RBFOX2: variants seen among roughly 807,000 people sequenced by gnomAD.
RBFOX2 encodes RNA binding fox-1 homolog 2, also known as RNA binding protein fox-1 homolog 2.
A neutral mutation model predicts 49.1 loss-of-function variants in RBFOX2; 10 were observed. The observed-to-expected ratio is 0.20, with a 90% CI of 0.13 to 0.35. The LOEUF (loss-of-function observed/expected upper bound fraction) is 0.35. RBFOX2 is among the 10% of genes least tolerant of loss of function. The probability of loss-of-function intolerance (pLI) is 1.00; values close to 1 mark genes in which losing one functional copy is unlikely to be tolerated. For missense variants in RBFOX2, 323 were observed against 486.9 expected, an observed-to-expected ratio of 0.66 and a Z score of 3.17; for synonymous variants, 183 against 187.4, an observed-to-expected ratio of 0.98 and a Z score of 0.19.
At chr22:35,755,110 G>C (rs1936472195) in intron 9 of RBFOX2, among the ~76,000 whole-genome samples, 1 of 152,174 alleles carries the variant, frequency 6.6e-6, no homozygotes, top group Non-Finnish European at 1.5e-5. Flanking sequence ...ACCTCTTATT[G>C]ATTTTGGAAA....
exon 1 of RBFOX2, among the ~76,000 whole-genome samples, chr22:36,028,598 C>G (rs1006842010): frequency 2.0e-5 from 3 of 149,118 alleles, no homozygotes; most frequent in South Asian, 4.1e-4. Context: ...GCGGCCGCCG[C>G]TCCTTGCCTG....
Position 35,750,312 on chromosome 22 carries a change from T to TG in RBFOX2, c.888-3752dup, listed in dbSNP as rs777583043. 1.0e-4 allele frequency: 65 copies of TG among 635,972 alleles called. No individual in the cohort carries two copies. The Middle Eastern group carries it at 1.0e-3, about 10-fold the overall frequency. The allele number at this position is 635,972 out of a possible 1,614,324, so 39.4% of individuals were successfully genotyped here. On this transcript the variant is annotated intron_variant, in intron 9 of 11. Transcript: ENST00000405409. ...AGGAGAAATAATTCATTTGGAGATA[T>TG]GAAGTCATGAAATAGCTGATGTGTA...
chr22:35,935,340 G>C (rs2052934909), intron 1 of RBFOX2, among the ~76,000 whole-genome samples: 1 of 152,202 alleles, frequency 6.6e-6, no homozygotes. Flanking sequence ...AACCACATTA[G>C]AAAGTATAGT....
intron 2 of RBFOX2, among the ~76,000 whole-genome samples, chr22:35,802,201 G>A (rs1238585119): frequency 6.6e-6 from 1 of 151,976 alleles, no homozygotes; most frequent in Admixed American, 6.6e-5. Flanking sequence ...ATATACAACT[G>A]GAGATCTGAA....
chr22:35,756,458 C>A (rs1032604174), intron 9 of RBFOX2, among the ~76,000 whole-genome samples: 2 of 152,080 alleles, frequency 1.3e-5, no homozygotes, highest in African/African-American at 4.8e-5. Context: ...TATCCAAAAT[C>A]TGCTGGCTTG....
At chr22:35,831,951 G>A (rs751987153) in intron 1 of RBFOX2, among the ~76,000 whole-genome samples, 9 of 152,128 alleles carry the variant, frequency 5.9e-5, no homozygotes, top group Non-Finnish European at 1.0e-4. Flanking sequence ...AATCAGCTGA[G>A]GGCATGCTTT....
intron 1 of RBFOX2, among the ~76,000 whole-genome samples, chr22:35,832,611 T>C (rs560193248): frequency 3.9e-5 from 6 of 152,132 alleles, no homozygotes; most frequent in African/African-American, 1.4e-4. Flanking sequence ...GGCAGGCAGA[T>C]CACTTGAGGT....
At chr22:35,782,120 A>G (rs1273421155) in intron 2 of RBFOX2, among the ~76,000 whole-genome samples, 2 of 152,132 alleles carry the variant, frequency 1.3e-5, no homozygotes, top group South Asian at 4.1e-4. Context: ...AGATATTTCT[A>G]TTTTGAAAAT....
exon 12 of RBFOX2, chr22:35,740,530 C>T (rs1208667989): frequency 6.6e-6 from 1 of 152,582 alleles, no homozygotes; most frequent in African/African-American, 2.4e-5. Context: ...CCCTTCCCCA[C>T]CCCCCAAAGT....
intron 1 of RBFOX2, among the ~76,000 whole-genome samples, chr22:36,012,134 C>T (rs553014155): frequency 6.6e-6 from 1 of 152,246 alleles, no homozygotes; most frequent in Admixed American, 6.5e-5. Flanking sequence ...AACTGTCATC[C>T]CAGTTCTACA....
chr22:35,859,194 TC>T (rs2042857946), intron 1 of RBFOX2, among the ~76,000 whole-genome samples: 1 of 152,126 alleles, frequency 6.6e-6, no homozygotes, highest in Non-Finnish European at 1.5e-5. Flanking sequence ...ATCTAATTTC[TC>T]AGGGTGAAGA....
At chr22:35,984,448 T>A (rs1047757629) in intron 1 of RBFOX2, among the ~76,000 whole-genome samples, 8 of 152,154 alleles carry the variant, frequency 5.3e-5, no homozygotes, top group African/African-American at 1.4e-4. Context: ...CAAGGCAGAG[T>A]GTGTTGCTAG....
chr22:35,970,665 A>G lies in RBFOX2; in HGVS notation c.187-31768T>C, dbSNP rs560367855. ...AACACAACAGAGTGAGACCCTATCT[A>G]AAAAAACAAGAAGAAGAAATGTGAT... On this transcript the variant is annotated intron_variant, in intron 1 of 13. Coordinates refer to the RBFOX2 transcript ENST00000438146. Among the ~76,000 whole-genome samples the G allele has an allele frequency of 4.0e-5, 6 of 151,268 alleles. No homozygotes were observed. The South Asian group carries it at 1.0e-3, about 26-fold the overall frequency.
chr22:35,884,000 CTTTTTTTTTTT>C (rs34644201), intron 1 of RBFOX2, among the ~76,000 whole-genome samples: 23 of 62,690 alleles, frequency 3.7e-4, no homozygotes, highest in African/African-American at 1.2e-3. Context: ...GTAGTTATCT[CTTTTTTTTTTT>C]TTTTTTTTTT....
At chr22:35,845,139 T>G (rs552661903), upstream of RBFOX2, among the ~76,000 whole-genome samples, 2 of 152,108 alleles carry the variant, frequency 1.3e-5, no homozygotes, top group Admixed American at 1.3e-4. Flanking sequence ...CCTGCAATAA[T>G]AAAAACTTGT....
intron 1 of RBFOX2, among the ~76,000 whole-genome samples, chr22:35,836,046 A>G (rs1007947805): frequency 6.6e-6 from 1 of 152,126 alleles, no homozygotes; most frequent in Non-Finnish European, 1.5e-5. Flanking sequence ...TAGAAAGTGG[A>G]AAGTGTGCCA....
At chr22:35,889,658 C>G (rs1009051838) in intron 1 of RBFOX2, among the ~76,000 whole-genome samples, 1 of 152,126 alleles carries the variant, frequency 6.6e-6, no homozygotes, top group Non-Finnish European at 1.5e-5. Flanking sequence ...CCCAATCCTA[C>G]TTAGAATCTT....
At chr22:35,760,893 A>G (rs896403359) in intron 8 of RBFOX2, among the ~76,000 whole-genome samples, 1 of 152,182 alleles carries the variant, frequency 6.6e-6, no homozygotes, top group African/African-American at 2.4e-5. Flanking sequence ...CTCGCAGAGG[A>G]AATGTATAAT....
At chr22:35,740,066 T>C (rs1455798774) in exon 12 of RBFOX2, 1 of 152,702 alleles carries the variant, frequency 6.5e-6, no homozygotes, top group Non-Finnish European at 1.5e-5. Context: ...TCACTCCTAG[T>C]GCATCTGATT....
Sources: allele counts gnomAD v4.1 joint callset (sites outside exome capture counted in the v4.1 genomes callset), GRCh38; gene constraint gnomAD v4.1.1; transcripts MANE v1.5; gene names NCBI Gene and HGNC (gene_info 2026-07-23, HGNC 2026-07-21).